Variants in NRG3 observed in about 807,000 individuals in gnomAD.
NRG3 encodes the protein pro-neuregulin-3, membrane-bound isoform.
A neutral mutation model predicts 66.9 loss-of-function variants in NRG3; 31 were observed. The ratio of observed to expected loss-of-function variants is 0.46; its 90% confidence interval spans 0.35 to 0.63. NRG3 has a LOEUF of 0.63. NRG3 is among the 20% of genes least tolerant of loss of function. NRG3 has a pLI of 0.00. For synonymous variants in NRG3, 393 were observed against 359.4 expected, an observed-to-expected ratio of 1.09 and a Z score of -1.06; for missense variants, 910 against 878.9, an observed-to-expected ratio of 1.04 and a Z score of -0.45.
Position 82,238,919 on chromosome 10 carries a change from T to TATATATATATATAC in NRG3, c.824-119811_824-119810insTATACATATATATA, listed in dbSNP as rs372472574. Among the ~76,000 whole-genome samples, 712 of 142,136 alleles carry TATATATATATATAC rather than the reference T, an allele frequency of 5.0e-3. 23 individuals carry two copies. Among genetic ancestry groups the TATATATATATATAC allele is most frequent in the African/African-American group, 0.018 (656 of 37,454 alleles). The allele number at this position is 142,136 out of a possible 152,430, so 93.2% of individuals were successfully genotyped here. On this transcript the variant is annotated intron_variant, in intron 1 of 8. Coordinates refer to ENST00000372141, the MANE Select transcript of NRG3 (RefSeq NM_001010848.4). The stretch of plus-strand genomic sequence containing the variant: ...TTATTTTTAGGTTATACCGTATATA[T>TATATATATATATAC]ATATATATAATATTTATATAATATA...
At chr10:82,518,016 G>A (rs1264303741) in intron 2 of NRG3, among the ~76,000 whole-genome samples, 1 of 152,134 alleles carries the variant, frequency 6.6e-6, no homozygotes, top group Non-Finnish European at 1.5e-5. Flanking sequence ...ACATTGGCCA[G>A]TGGTCCAAAG....
intron 1 of NRG3, among the ~76,000 whole-genome samples, chr10:82,297,523 G>A (rs2080142721): frequency 6.6e-6 from 1 of 152,058 alleles, no homozygotes; most frequent in Non-Finnish European, 1.5e-5. Flanking sequence ...TCTCTGCTTA[G>A]TAGGGAAGAA....
chr10:82,277,107 G>T (rs1197496896), intron 1 of NRG3, among the ~76,000 whole-genome samples: 2 of 151,862 alleles, frequency 1.3e-5, no homozygotes, highest in Admixed American at 1.3e-4. Flanking sequence ...TTCATGTCAG[G>T]CTGCTTCTTT....
chr10:82,956,515 G>A (rs1464134170), intron 5 of NRG3, among the ~76,000 whole-genome samples: 1 of 151,850 alleles, frequency 6.6e-6, no homozygotes, highest in Non-Finnish European at 1.5e-5. Flanking sequence ...GGACTTGAGT[G>A]AAAAAAGACT....
At chr10:82,596,814 C>G (rs117183269) in intron 2 of NRG3, among the ~76,000 whole-genome samples, 2,078 of 152,226 alleles carry the variant, frequency 0.014, 31 homozygotes, top group Non-Finnish European at 0.022. Flanking sequence ...TGGCAATGCT[C>G]CAAGGGAAAA....
Position 82,611,242 on chromosome 10 carries a change from A to AT in NRG3, c.954-127328dup, listed in dbSNP as rs547404533. On this transcript the variant is annotated intron_variant, in intron 2 of 8. Transcript: ENST00000372141. ...ACTGAATTTTTCTTCTTTTAAAATTATTTTTTTATTTTTCATTTTTATTTT... is the reference window on the plus strand; with the variant it reads ...ACTGAATTTTTCTTCTTTTAAAATTATTTTTTTTATTTTTCATTTTTATTTT... Among the ~76,000 whole-genome samples, 15 of 151,962 alleles carry AT rather than the reference A, an allele frequency of 9.9e-5. No homozygotes were observed. In the East Asian group the frequency reaches 1.7e-3, roughly 18 times the overall value.
chr10:82,570,637 C>T (rs967101620), intron 2 of NRG3, among the ~76,000 whole-genome samples: 1 of 151,490 alleles, frequency 6.6e-6, no homozygotes, highest in East Asian at 1.9e-4. Flanking sequence ...ATTTGACCTT[C>T]AAGGAAATCA....
intron 2 of NRG3, among the ~76,000 whole-genome samples, chr10:82,727,811 G>T (rs1472694078): frequency 6.6e-6 from 1 of 152,160 alleles, no homozygotes; most frequent in Non-Finnish European, 1.5e-5. Context: ...GGCAGCCCAA[G>T]AAAACAGCTG....
intron 3 of NRG3, among the ~76,000 whole-genome samples, chr10:82,854,601 GC>G (rs1463092773): frequency 6.6e-6 from 1 of 152,122 alleles, no homozygotes; most frequent in Non-Finnish European, 1.5e-5. Context: ...AGCCAACCAG[GC>G]TTTAACGATG....
chr10:82,559,477 T>C (rs1053797025), intron 2 of NRG3, among the ~76,000 whole-genome samples: 1 of 152,152 alleles, frequency 6.6e-6, no homozygotes, highest in Non-Finnish European at 1.5e-5. Context: ...TGGGCCTCTA[T>C]TATGAGCCAT....
At chr10:82,898,206 T>C (rs1471217251) in intron 4 of NRG3, among the ~76,000 whole-genome samples, 1 of 152,214 alleles carries the variant, frequency 6.6e-6, no homozygotes, top group African/African-American at 2.4e-5. Flanking sequence ...GGCTGAGCCC[T>C]GGTTGCCTAC....
At chr10:82,759,320 CT>C (rs1260060616) in intron 3 of NRG3, among the ~76,000 whole-genome samples, 1 of 152,006 alleles carries the variant, frequency 6.6e-6, no homozygotes, top group Non-Finnish European at 1.5e-5. Flanking sequence ...TAAATTAAAC[CT>C]TCCAGTCACC....
intron 2 of NRG3, among the ~76,000 whole-genome samples, chr10:82,679,402 A>G (rs957637007): frequency 6.6e-6 from 1 of 152,222 alleles, no homozygotes; most frequent in Non-Finnish European, 1.5e-5. Flanking sequence ...CATTTACAAA[A>G]TCACTTGAAA....
chr10:82,731,548 T>C (rs761792612), intron 2 of NRG3, among the ~76,000 whole-genome samples: 1 of 149,918 alleles, frequency 6.7e-6, no homozygotes, highest in Non-Finnish European at 1.5e-5. Context: ...CTTATTTCAC[T>C]TAACATAATG....
intron 1 of NRG3, among the ~76,000 whole-genome samples, chr10:82,292,408 T>C (rs61864197): frequency 0.32 from 47,995 of 152,052 alleles, 7,779 homozygotes; most frequent in African/African-American, 0.36. Flanking sequence ...ACAACCACTC[T>C]GGAAAACAGT....
intron 1 of NRG3, among the ~76,000 whole-genome samples, chr10:82,071,586 CAGG>C (rs1167675491): frequency 6.6e-6 from 1 of 152,100 alleles, no homozygotes; most frequent in African/African-American, 2.4e-5. Context: ...GGCAGAATAG[CAGG>C]AGAAGAGGTT....
At chr10:82,898,715 C>CTTCTT (rs1564613705) in intron 4 of NRG3, among the ~76,000 whole-genome samples, 3 of 89,388 alleles carry the variant, frequency 3.4e-5, no homozygotes, top group South Asian at 4.2e-4. Flanking sequence ...GGAGTTTTAC[C>CTTCTT]TTTTTTTTTT....
rs115790320 is a variant in NRG3, at chr10:81,891,955, C to T, written c.823+15792C>T. Among the ~76,000 whole-genome samples the T allele has an allele frequency of 8.1e-3, 1,229 of 152,274 alleles. 12 individuals are homozygous for T. Among genetic ancestry groups the T allele is most frequent in the African/African-American group, 0.023 (958 of 41,540 alleles). On this transcript the variant is annotated intron_variant, in intron 1 of 8. Coordinates refer to ENST00000372141, the MANE Select transcript of NRG3 (RefSeq NM_001010848.4). ...TCTCCCTACCTCCCTTCCTCTGTCT[C>T]GCTCTGTCCACACACATATAAACAC...
intron 2 of NRG3, among the ~76,000 whole-genome samples, chr10:82,406,136 A>G (rs1039863236): frequency 6.6e-6 from 1 of 152,116 alleles, no homozygotes; most frequent in African/African-American, 2.4e-5. Flanking sequence ...TATAAAGGGG[A>G]CTGGATGACT....
Sources: gnomAD v4.1 joint callset for allele counts (sites outside exome capture counted in the v4.1 genomes callset) on GRCh38, gnomAD v4.1.1 for gene constraint, MANE v1.5 for transcripts, NCBI Gene and HGNC (gene_info 2026-07-23, HGNC 2026-07-21) for gene names.